Variants in PAX3 observed in about 807,000 individuals in gnomAD.
PAX3 encodes the protein paired box protein Pax-3.
PAX3 carries 14 observed loss-of-function variants against 51.6 expected under a neutral mutation model. The ratio of observed to expected loss-of-function variants is 0.27; its 90% CI spans 0.18 to 0.42. PAX3 has a LOEUF of 0.42. Among genes scored for constraint, PAX3 ranks in the 10% least tolerant of loss-of-function variants. The pLI, the probability that PAX3 is intolerant of heterozygous loss-of-function variation, is 1.00. For missense variants in PAX3, 540 were observed against 642.8 expected (o/e 0.84, Z 1.73); for synonymous variants, 280 against 253.4 (o/e 1.11, Z -1.00).
chr2:222,204,368 C>A (rs1691424705), intron 7 of PAX3, among the ~76,000 whole-genome samples: 1 of 152,080 alleles, frequency 6.6e-6, no homozygotes, highest in Non-Finnish European at 1.5e-5. Context: ...TATATGGGTT[C>A]TTTTTGCCTT....
At chr2:222,298,453 C>T (rs1695423801) in intron 1 of PAX3, 78 bp downstream of exon 1, 8 of 1,230,214 alleles carry the variant, frequency 6.5e-6, no homozygotes, top group Non-Finnish European at 9.3e-6. Context: ...CCAAAGGAGC[C>T]TGCGGAGCCT....
chr2:222,298,727 A>C lies in PAX3; in HGVS notation c.-112T>G. 9.4e-7 allele frequency: 1 copy of C among 1,060,696 alleles called. No homozygotes were observed. Among genetic ancestry groups the C allele is most frequent in the Non-Finnish European group, 1.4e-6 (1 of 708,258 alleles). The allele number at this position is 1,060,696 out of a possible 1,614,324, so 65.7% of individuals were successfully genotyped here. On this transcript the variant is annotated 5_prime_UTR_variant, in exon 1 of 9. Transcript: ENST00000392070. ...CCGGAGCGTGGAGAGCCCCTCCCCAAAACGGCTGGAGAGAGAGGGAGGGAC... is the reference window on the plus strand; with the variant it reads ...CCGGAGCGTGGAGAGCCCCTCCCCACAACGGCTGGAGAGAGAGGGAGGGAC...
chr2:222,216,024 T>A (rs1212472269), intron 7 of PAX3, among the ~76,000 whole-genome samples: 1 of 152,208 alleles, frequency 6.6e-6, no homozygotes, highest in African/African-American at 2.4e-5. Context: ...GAATCTCGCC[T>A]TAAATTCCCT....
chr2:222,254,768 A>C (rs917438754), intron 4 of PAX3, among the ~76,000 whole-genome samples: 25 of 152,094 alleles, frequency 1.6e-4, no homozygotes, highest in Non-Finnish European at 3.4e-4. Flanking sequence ...GCTCACTATT[A>C]AGCTTTACAT....
chr2:222,290,418 AG>A (rs1174315737), intron 4 of PAX3, among the ~76,000 whole-genome samples: 1 of 152,214 alleles, frequency 6.6e-6, no homozygotes, highest in Non-Finnish European at 1.5e-5. Flanking sequence ...AAGGAATATA[AG>A]CCCCCAACAG....
intron 4 of PAX3, among the ~76,000 whole-genome samples, chr2:222,291,717 C>T (rs1444111914): frequency 2.0e-5 from 3 of 152,172 alleles, no homozygotes; most frequent in African/African-American, 7.2e-5. Context: ...TCTTCTCCCC[C>T]TCTGCCAGGG....
At chr2:222,211,680 TAGGTACATCCC>T (rs1179438387) in intron 7 of PAX3, among the ~76,000 whole-genome samples, 1 of 152,170 alleles carries the variant, frequency 6.6e-6, no homozygotes, top group African/African-American at 2.4e-5. Flanking sequence ...TTTCCATTAT[TAGGTACATCCC>T]AGGAAATGTT....
chr2:222,245,968 G>A lies in PAX3; in HGVS notation c.587-13685C>T, dbSNP rs566474417. ...TGCATTCCAGCCTGGGTGACAGAGC[G>A]AGACTCTGTCTCAAAAAGAGACAGA... On this transcript the variant is annotated intron_variant, in intron 4 of 8. Transcript: ENST00000392070. 7.9e-5 allele frequency among the ~76,000 whole-genome samples: 12 copies of A among 151,424 alleles called. No homozygotes were observed. In the East Asian group the frequency reaches 2.0e-3, roughly 25 times the overall value.
intron 4 of PAX3, among the ~76,000 whole-genome samples, chr2:222,254,253 A>ATGTT (rs1484973215): frequency 9.8e-5 from 15 of 152,304 alleles, no homozygotes; most frequent in African/African-American, 3.4e-4. Flanking sequence ...TTCAGTTGAT[A>ATGTT]TGTTATTTGC....
intron 4 of PAX3, among the ~76,000 whole-genome samples, chr2:222,286,044 T>C (rs1694822915): frequency 6.6e-6 from 1 of 152,226 alleles, no homozygotes; most frequent in Admixed American, 6.5e-5. Flanking sequence ...TTTGAGCAAT[T>C]CTCCTGCCTC....
chr2:222,293,313 C>A (rs1020259521), intron 4 of PAX3, among the ~76,000 whole-genome samples: 2 of 152,294 alleles, frequency 1.3e-5, no homozygotes, highest in Non-Finnish European at 2.9e-5. Context: ...TGCAATGATC[C>A]TTTCCTGGTT....
At chr2:222,293,888 A>T (rs1559316022) in intron 4 of PAX3, 8 of 1,600,450 alleles carry the variant, frequency 5.0e-6, no homozygotes. Context: ...TGCCCCCTAC[A>T]ACAGAGCACA....
At chr2:222,285,673 T>C (rs1335708619) in intron 4 of PAX3, among the ~76,000 whole-genome samples, 1 of 152,252 alleles carries the variant, frequency 6.6e-6, no homozygotes, top group Non-Finnish European at 1.5e-5. Flanking sequence ...TTCTTAATAT[T>C]CTACCCTAAC....
chr2:222,291,220 A>G (rs538096879), intron 4 of PAX3, among the ~76,000 whole-genome samples: 1 of 152,258 alleles, frequency 6.6e-6, no homozygotes, highest in African/African-American at 2.4e-5. Flanking sequence ...TGCCTCGGCC[A>G]GGACTTGGCT....
At chr2:222,268,282 T>C (rs2106155388) in intron 4 of PAX3, among the ~76,000 whole-genome samples, 1 of 152,312 alleles carries the variant, frequency 6.6e-6, no homozygotes, top group Non-Finnish European at 1.5e-5. Context: ...CATACACCCT[T>C]GGGGGAATCT....
intron 1 of PAX3, 130 bp from the exon 2 acceptor site, chr2:222,297,343 C>CGGACTCCCAGA (rs1695359221): frequency 2.7e-6 from 2 of 731,286 alleles, no homozygotes; most frequent in Non-Finnish European, 2.5e-6. Flanking sequence ...TGAAACTGCT[C>CGGACTCCCAGA]GACATCGGAC....
chr2:222,281,574 A>G (rs1470457462), intron 4 of PAX3, among the ~76,000 whole-genome samples: 1 of 152,234 alleles, frequency 6.6e-6, no homozygotes, highest in East Asian at 1.9e-4. Context: ...GCCTAGAAGC[A>G]AATTATTTTA....
At chr2:222,274,711 A>C (rs950080147) in intron 4 of PAX3, among the ~76,000 whole-genome samples, 2 of 152,184 alleles carry the variant, frequency 1.3e-5, no homozygotes, top group African/African-American at 4.8e-5. Flanking sequence ...GCACTTCCCT[A>C]AGAAAACATG....
rs1472263238 is a variant in PAX3 at position 222,295,616 on chromosome 2, G to A, written c.363C>T (p.Tyr121=). 2 of 1,614,098 alleles carry A rather than the reference G, an allele frequency of 1.2e-6. No homozygotes were observed. The highest frequency in any genetic ancestry group is 1.7e-6 in the Non-Finnish European group (2 of 1,180,040). The change falls in exon 3 of 9, where the codon TAC becomes TAT. Residue 121 remains tyrosine (Y), a synonymous_variant. Coordinates refer to ENST00000392070, the MANE Select transcript of PAX3 (RefSeq NM_181458.4). ...TPDVEKKIEE[Y]KRENPGMFSW... The stretch of plus-strand genomic sequence containing the variant: ...TGAACATGCCCGGGTTCTCTCTTTT[G>A]TATTCCTCAATTTTCTTCTCCACGT...
Sources: allele counts gnomAD v4.1 joint callset (sites outside exome capture counted in the v4.1 genomes callset), GRCh38; gene constraint gnomAD v4.1.1; transcripts MANE v1.5; gene names NCBI Gene and HGNC (gene_info 2026-07-23, HGNC 2026-07-21).